Variants in PMM2 observed in about 807,000 individuals in gnomAD.
The protein encoded by PMM2 is mannose-6-phosphate isomerase.
Under a neutral mutation model 33.2 loss-of-function variants are expected in PMM2, and 35 were observed. That is an observed-to-expected ratio of 1.06 (90% confidence interval 0.81 to 1.40). The LOEUF is 1.40. Among genes scored for constraint, PMM2 ranks in the 40% most tolerant of loss-of-function variants. The pLI, the probability that PMM2 is intolerant of heterozygous loss-of-function variation, is 0.00. For missense variants in PMM2, 386 were observed against 306.0 expected (o/e 1.26, Z -1.95); for synonymous variants, 153 against 114.7 (o/e 1.33, Z -2.13).
At chr16:8,811,323 C>T (rs2060676584) in intron 5 of PMM2, 145 bp downstream of exon 5, 2 of 704,038 alleles carry the variant, frequency 2.8e-6, no homozygotes, top group African/African-American at 3.5e-5. Context: ...CAAGACCAGC[C>T]TAGGCAACAT....
At chr16:8,813,316 T>C (rs2060688611) in intron 7 of PMM2, among the ~76,000 whole-genome samples, 1 of 152,222 alleles carries the variant, frequency 6.6e-6, no homozygotes, top group South Asian at 2.1e-4. Context: ...AGGATCACAC[T>C]GCATGTTAGT....
chr16:8,825,891 G>A (rs1356860218), intron 7 of PMM2, among the ~76,000 whole-genome samples: 3 of 151,830 alleles, frequency 2.0e-5, no homozygotes, highest in Admixed American at 6.6e-5. Context: ...GAGTAGCTGG[G>A]ACTACAGGCG....
chr16:8,811,409 A>G (rs989858982), intron 5 of PMM2, among the ~76,000 whole-genome samples: 15 of 152,334 alleles, frequency 9.8e-5, no homozygotes, highest in East Asian at 3.9e-4. Context: ...GGTCCCGGCT[A>G]TTTGTTTGGC....
rs146323726 is a variant in PMM2 at position 8,799,575 on chromosome 16, G to A, written c.66+1627G>A. ...ACTCTTTTTTTTTTTTTAAGACAGA[G>A]TCTCACTCTGTCACCAGACTGGAGT... On this transcript the variant is annotated intron_variant, in intron 1 of 7. Transcript: ENST00000268261. 1.2e-3 allele frequency among the ~76,000 whole-genome samples: 184 copies of A among 151,220 alleles called. 1 individual carries two copies. Among genetic ancestry groups the A allele is most frequent in the Non-Finnish European group, 2.1e-3 (142 of 67,904 alleles).
At position 8,846,076 on chromosome 16, in the gene PMM2, G is replaced by C. The variant is rs544794404; in HGVS notation, c.640-1648G>C. Among the ~76,000 whole-genome samples, 215 of 152,346 alleles carry C rather than the reference G, an allele frequency of 1.4e-3. 1 individual carries two copies. Among genetic ancestry groups the C allele is most frequent in the African/African-American group, 5.0e-3 (207 of 41,578 alleles). ...CTGTGTAAGGCCAGTACAAGGCCCT[G>C]ACAGGTTCCCAAGTGGCTGGACTGG... On this transcript the variant is annotated intron_variant, in intron 7 of 7. Transcript: ENST00000268261.
At chr16:8,833,000 C>A in intron 7 of PMM2, 1 of 560,854 alleles carries the variant, frequency 1.8e-6, no homozygotes, top group Non-Finnish European at 2.2e-6. Context: ...TGGTTTGCGC[C>A]GTATCCCCAG....
chr16:8,845,919 A>C (rs2060923029), intron 7 of PMM2, among the ~76,000 whole-genome samples: 1 of 152,092 alleles, frequency 6.6e-6, no homozygotes, highest in Admixed American at 6.6e-5. Flanking sequence ...CCTGGGCAAC[A>C]TAGCAAGACC....
At chr16:8,822,704 C>T (rs538726459) in intron 7 of PMM2, among the ~76,000 whole-genome samples, 18 of 152,266 alleles carry the variant, frequency 1.2e-4, no homozygotes, top group African/African-American at 3.9e-4. Context: ...GAGTGATAAC[C>T]GCTCTAGCTT....
intron 7 of PMM2, among the ~76,000 whole-genome samples, chr16:8,834,170 G>A (rs1246908805): frequency 6.6e-6 from 1 of 152,192 alleles, no homozygotes; most frequent in Non-Finnish European, 1.5e-5. Flanking sequence ...TCTGAGAAGG[G>A]AAAGTGGTAA....
At chr16:8,824,239 T>C (rs1372569316) in intron 7 of PMM2, among the ~76,000 whole-genome samples, 1 of 152,230 alleles carries the variant, frequency 6.6e-6, no homozygotes, top group Non-Finnish European at 1.5e-5. Context: ...AGAAGTTTTT[T>C]TTCCTCCATT....
intron 7 of PMM2, among the ~76,000 whole-genome samples, chr16:8,835,754 C>T (rs1015700314): frequency 6.6e-6 from 1 of 151,878 alleles, no homozygotes; most frequent in African/African-American, 2.4e-5. Flanking sequence ...CCTTTTAAAG[C>T]GTGCCATGGG....
intron 4 of PMM2, chr16:8,806,949 A>T (rs990819863): frequency 2.6e-5 from 4 of 156,004 alleles, no homozygotes; most frequent in African/African-American, 9.7e-5. Context: ...AGAAAATCGG[A>T]TTAATTGCCA....
chr16:8,845,506 CCCT>C (rs1358451926), intron 7 of PMM2, among the ~76,000 whole-genome samples: 2 of 152,238 alleles, frequency 1.3e-5, no homozygotes, highest in Admixed American at 1.3e-4. Context: ...ATACTGACTC[CCCT>C]CCTCAGTCAC....
At chr16:8,812,863 A>T (rs2060685113) in intron 6 of PMM2, 128 bp from the exon 7 acceptor site, 1 of 724,540 alleles carries the variant, frequency 1.4e-6, no homozygotes, top group African/African-American at 1.7e-5. Context: ...CTAAGTAGCA[A>T]ACTAGAGTAC....
intron 4 of PMM2, chr16:8,808,492 T>G (rs1275967638): frequency 6.6e-6 from 1 of 152,286 alleles, no homozygotes; most frequent in African/African-American, 2.4e-5. Context: ...GAGGCAGAAC[T>G]GAGACCCACC....
chr16:8,821,663 G>C (rs1211144681), intron 7 of PMM2, among the ~76,000 whole-genome samples: 2 of 152,210 alleles, frequency 1.3e-5, no homozygotes, highest in Non-Finnish European at 2.9e-5. Context: ...GCTCAGAGCC[G>C]TCAACAGACC....
intron 7 of PMM2, among the ~76,000 whole-genome samples, chr16:8,836,022 GA>G (rs1021483160): frequency 3.0e-3 from 5 of 1,660 alleles, no homozygotes; most frequent in Non-Finnish European, 0.012. Flanking sequence ...GGGGATAACT[GA>G]AAAGGAGTGC....
Position 8,811,728 on chromosome 16 carries a change from G to A in PMM2, c.523+15G>A. The A allele has an allele frequency of 6.4e-7, 1 of 1,572,946 alleles. No individual in the cohort carries two copies. The highest frequency in any genetic ancestry group is 1.7e-4 in the Middle Eastern group (1 of 6,000). On this transcript the variant is annotated intron_variant, in intron 6 of 7. Transcript: ENST00000268261. ...GTTTTCCATAGGTATTGTATATATT[G>A]CCTGTGTTCCAAACTTGGATACCCA... is the stretch of plus-strand genomic sequence containing the variant.
intron 7 of PMM2, among the ~76,000 whole-genome samples, chr16:8,818,519 C>A (rs1432372515): frequency 6.6e-6 from 1 of 152,132 alleles, no homozygotes; most frequent in African/African-American, 2.4e-5. Flanking sequence ...GGGTTTTTTC[C>A]TTTCCTAATG....
Sources: gnomAD v4.1 joint callset for allele counts (sites outside exome capture counted in the v4.1 genomes callset) on GRCh38, gnomAD v4.1.1 for gene constraint, MANE v1.5 for transcripts, NCBI Gene and HGNC (gene_info 2026-07-23, HGNC 2026-07-21) for gene names.